The following TBC1D5 variants were observed in gnomAD, a reference collection of about 807,000 sequenced individuals.
The protein encoded by TBC1D5 is TBC1 domain family member 5, also known as TBC1 domain family, member 5.
Under a neutral mutation model 100.3 loss-of-function variants are expected in TBC1D5, and 75 were observed. The observed-to-expected ratio is 0.75, with a 90% confidence interval of 0.62 to 0.91. The LOEUF (loss-of-function observed/expected upper bound fraction) is 0.91. TBC1D5 is among the 40% of genes least tolerant of loss of function. TBC1D5 has a pLI of 0.00. For missense variants in TBC1D5, 910 were observed against 942.4 expected (o/e 0.97, Z 0.45); for synonymous variants, 323 against 325.6 (o/e 0.99, Z 0.09).
chr3:17,636,970 C>A (rs1027245871), intron 1 of TBC1D5, among the ~76,000 whole-genome samples: 9 of 151,670 alleles, frequency 5.9e-5, no homozygotes, highest in Non-Finnish European at 1.2e-4. Flanking sequence ...GCTTCTTATA[C>A]TAAATGAATG....
chr3:17,566,654 A>G (rs761000724), intron 2 of TBC1D5, among the ~76,000 whole-genome samples: 1 of 151,874 alleles, frequency 6.6e-6, no homozygotes, highest in African/African-American at 2.4e-5. Context: ...TAAAATTTTA[A>G]GCCCTCCTTT....
chr3:17,238,577 GAATA>G (rs2076064729), intron 16 of TBC1D5, among the ~76,000 whole-genome samples, 158 bp from the exon 17 acceptor site: 1 of 152,124 alleles, frequency 6.6e-6, no homozygotes, highest in Admixed American at 6.5e-5. Context: ...AGTTACTACA[GAATA>G]AATAATGAGT....
At chr3:17,729,016 T>TAAAAA (rs34461809) in intron 1 of TBC1D5, among the ~76,000 whole-genome samples, 5 of 29,574 alleles carry the variant, frequency 1.7e-4, no homozygotes, top group Non-Finnish European at 2.7e-4. Flanking sequence ...TGAAAATCAG[T>TAAAAA]AAAAAAAAAA....
intron 13 of TBC1D5, among the ~76,000 whole-genome samples, chr3:17,364,574 T>C (rs1387443649): frequency 6.7e-6 from 1 of 149,714 alleles, no homozygotes; most frequent in Non-Finnish European, 1.5e-5. Flanking sequence ...GTAATCCTTT[T>C]ACCAAGCTAC....
intron 1 of TBC1D5, among the ~76,000 whole-genome samples, chr3:17,651,351 ATT>A (rs1340685528): frequency 6.6e-6 from 1 of 152,312 alleles, no homozygotes; most frequent in South Asian, 2.1e-4. Flanking sequence ...GAATATAATC[ATT>A]CTTTCGATGT....
chr3:17,569,867 A>G (rs536528345), intron 2 of TBC1D5, among the ~76,000 whole-genome samples: 2 of 151,978 alleles, frequency 1.3e-5, no homozygotes, highest in South Asian at 4.1e-4. Context: ...TAATGCATCA[A>G]AAAAGCTAGC....
chr3:17,171,434 G>A (rs139379167), intron 19 of TBC1D5, among the ~76,000 whole-genome samples: 75 of 152,248 alleles, frequency 4.9e-4, no homozygotes, highest in African/African-American at 1.8e-3. Flanking sequence ...TGTCAGTTCT[G>A]GAGGCTAAGT....
chr3:17,362,032 A>T (rs937355599), intron 13 of TBC1D5, among the ~76,000 whole-genome samples: 1 of 152,178 alleles, frequency 6.6e-6, no homozygotes, highest in Non-Finnish European at 1.5e-5. Flanking sequence ...TGTAAAGGCA[A>T]TTCAATGGAG....
intron 1 of TBC1D5, among the ~76,000 whole-genome samples, chr3:17,666,820 A>T (rs2067312097): frequency 6.6e-6 from 1 of 152,188 alleles, no homozygotes; most frequent in Admixed American, 6.5e-5. Context: ...CTTTCATTAT[A>T]AGGTAGGATA....
rs190631541 is a variant in TBC1D5, at chr3:17,519,782, C to A, written c.-35-11177G>T. Among the ~76,000 whole-genome samples the A allele has an allele frequency of 2.5e-3, 377 of 152,146 alleles. 2 individuals carry two copies. Among genetic ancestry groups the A allele is most frequent in the African/African-American group, 8.7e-3 (360 of 41,520 alleles). ...TGATTTAAGAGAACCTGTAGTATGT[C>A]GTAGGAATAGATATGGATTATACTA... is the stretch of plus-strand genomic sequence containing the variant. On this transcript the variant is annotated intron_variant, in intron 2 of 21. Coordinates refer to ENST00000253692, the Ensembl canonical transcript of TBC1D5.
At chr3:17,596,829 C>T (rs897613212) in intron 2 of TBC1D5, among the ~76,000 whole-genome samples, 14 of 151,954 alleles carry the variant, frequency 9.2e-5, no homozygotes, top group Non-Finnish European at 2.9e-5. Context: ...CTCCCCAACA[C>T]TGCCAATCAC....
intron 13 of TBC1D5, among the ~76,000 whole-genome samples, chr3:17,338,152 A>T (rs2088235510): frequency 6.6e-6 from 1 of 152,212 alleles, no homozygotes; most frequent in South Asian, 2.1e-4. Context: ...TTGTTTAGGG[A>T]ATCCTAAAGT....
At position 17,564,758 on chromosome 3, in the gene TBC1D5, T is replaced by C. The variant is rs1344043527; in HGVS notation, c.-35-56153A>G. 2.0e-5 allele frequency among the ~76,000 whole-genome samples: 3 copies of C among 152,156 alleles called. No individual in the cohort carries two copies. The East Asian group carries it at 5.8e-4, about 29-fold the overall frequency. ...TAGACAAATGGCTATCTTTTTTTCC[T>C]ATATGTTAAAAACAAATCAGCATCC... On this transcript the variant is annotated intron_variant, in intron 2 of 21. Transcript: ENST00000253692.
At chr3:17,313,804 C>G (rs866930329) in intron 13 of TBC1D5, among the ~76,000 whole-genome samples, 1 of 152,174 alleles carries the variant, frequency 6.6e-6, no homozygotes, top group African/African-American at 2.4e-5. Context: ...ACAACAATTA[C>G]GTTGGAAATA....
At chr3:17,696,284 C>G (rs1423354389) in intron 1 of TBC1D5, among the ~76,000 whole-genome samples, 1 of 151,814 alleles carries the variant, frequency 6.6e-6, no homozygotes, top group Non-Finnish European at 1.5e-5. Context: ...CACAAAAATC[C>G]CTTCAAAAAA....
intron 1 of TBC1D5, among the ~76,000 whole-genome samples, chr3:17,631,393 T>G (rs894967812): frequency 6.6e-6 from 1 of 152,192 alleles, no homozygotes; most frequent in Non-Finnish European, 1.5e-5. Flanking sequence ...AACATTAAAG[T>G]GCAAAGTGAA....
At chr3:17,485,498 C>T (rs2095553863) in intron 3 of TBC1D5, among the ~76,000 whole-genome samples, 1 of 136,944 alleles carries the variant, frequency 7.3e-6, no homozygotes, top group Admixed American at 7.4e-5. Context: ...CCCCTCCCCC[C>T]ACCCCACAAC....
intron 3 of TBC1D5, among the ~76,000 whole-genome samples, chr3:17,498,795 T>A (rs2095748059): frequency 6.6e-6 from 1 of 152,152 alleles, no homozygotes; most frequent in South Asian, 2.1e-4. Flanking sequence ...GTTATAAATA[T>A]CTACATGTAG....
chr3:17,430,149 GTC>G (rs1162668673), intron 3 of TBC1D5, among the ~76,000 whole-genome samples: 2 of 151,650 alleles, frequency 1.3e-5, no homozygotes, highest in East Asian at 3.9e-4. Context: ...AGGAAAATTA[GTC>G]TCTGTCTTGC....
Sources: gnomAD v4.1 joint callset for allele counts (sites outside exome capture counted in the v4.1 genomes callset) on GRCh38, gnomAD v4.1.1 for gene constraint, MANE v1.5 for transcripts, NCBI Gene and HGNC (gene_info 2026-07-23, HGNC 2026-07-21) for gene names.